Variants in CTNNA2 observed in about 807,000 individuals in gnomAD.
CTNNA2 encodes the protein catenin alpha-2.
A neutral mutation model predicts 101.0 loss-of-function variants in CTNNA2; 42 were observed. The observed-to-expected ratio is 0.42, with a 90% CI of 0.32 to 0.54. CTNNA2 has a LOEUF of 0.54. CTNNA2 is among the 20% of genes least tolerant of loss of function. The probability of loss-of-function intolerance (pLI) is 0.14; values close to 1 mark genes in which losing one functional copy is unlikely to be tolerated. For synonymous variants in CTNNA2, 450 were observed against 456.4 expected, an observed-to-expected ratio of 0.99 and a Z score of 0.18; for missense variants, 871 against 1,223.1, an observed-to-expected ratio of 0.71 and a Z score of 4.29.
At position 80,326,650 on chromosome 2, in the gene CTNNA2, T is replaced by A. The variant is rs185047286; in HGVS notation, c.1057-66561T>A. On this transcript the variant is annotated intron_variant, in intron 7 of 18. Coordinates refer to ENST00000402739, the MANE Select transcript of CTNNA2 (RefSeq NM_001282597.3). ...ATTAGCCAATAGTTCTAATTTTTTT[T>A]TAAAAAAAGAGAGGGGGAGAAGATA... Among the ~76,000 whole-genome samples the A allele has an allele frequency of 7.1e-3, 1,076 of 151,952 alleles. 11 individuals are homozygous for A. Among genetic ancestry groups the A allele is most frequent in the African/African-American group, 0.024 (1,002 of 41,394 alleles).
intron 7 of CTNNA2, among the ~76,000 whole-genome samples, chr2:80,113,336 T>C (rs563384440): frequency 1.7e-4 from 26 of 152,368 alleles, no homozygotes; most frequent in Non-Finnish European, 3.4e-4. Flanking sequence ...CACAATTGTA[T>C]TGACGTACAT....
chr2:79,873,184 T>C (rs1032524276), intron 5 of CTNNA2, among the ~76,000 whole-genome samples: 4 of 152,296 alleles, frequency 2.6e-5, no homozygotes, highest in East Asian at 1.9e-4. Context: ...GTAACAGTAA[T>C]TGAATATGGA....
chr2:79,332,851 T>C (rs1676906623), intron 3 of CTNNA2, among the ~76,000 whole-genome samples: 1 of 152,146 alleles, frequency 6.6e-6, no homozygotes, highest in Admixed American at 6.5e-5. Flanking sequence ...TGTGTAGCAC[T>C]CAAAAGCATT....
At chr2:79,276,345 T>G (rs1573014867) in intron 2 of CTNNA2, among the ~76,000 whole-genome samples, 1 of 152,120 alleles carries the variant, frequency 6.6e-6, no homozygotes, top group Non-Finnish European at 1.5e-5. Context: ...ATCCTCCTAA[T>G]GTTATGGTTT....
chr2:79,419,531 T>C (rs1678517568), intron 4 of CTNNA2, among the ~76,000 whole-genome samples: 1 of 152,090 alleles, frequency 6.6e-6, no homozygotes, highest in Non-Finnish European at 1.5e-5. Context: ...TTTCCACAAA[T>C]TCTTTCCATA....
Position 80,484,959 on chromosome 2 carries a change from C to T in CTNNA2, c.1291-60023C>T, listed in dbSNP as rs560893491. Reference sequence around the variant, plus strand: ...AGGTGGAGCTTGCAGTGAGCCGAGACTGTGCCACTGCATTCCAGCCTGTGT... The same window carrying T: ...AGGTGGAGCTTGCAGTGAGCCGAGATTGTGCCACTGCATTCCAGCCTGTGT... On this transcript the variant is annotated intron_variant, in intron 9 of 18. Coordinates refer to ENST00000402739, the MANE Select transcript of CTNNA2 (RefSeq NM_001282597.3). Among the ~76,000 whole-genome samples, 73 of 152,160 alleles carry T rather than the reference C, an allele frequency of 4.8e-4. No individual in the cohort carries two copies. In the East Asian group the frequency reaches 5.2e-3, roughly 11 times the overall value.
At chr2:80,489,059 T>C (rs1686820956) in intron 9 of CTNNA2, among the ~76,000 whole-genome samples, 1 of 152,168 alleles carries the variant, frequency 6.6e-6, no homozygotes, top group East Asian at 1.9e-4. Context: ...GAGAACTGCA[T>C]TTACTTCTGT....
intron 7 of CTNNA2, among the ~76,000 whole-genome samples, chr2:80,289,556 T>C (rs1675057155): frequency 6.6e-6 from 1 of 152,228 alleles, no homozygotes; most frequent in South Asian, 2.1e-4. Flanking sequence ...ACATAACATG[T>C]CACTCTACTG....
chr2:80,207,325 C>T lies in CTNNA2; in HGVS notation c.1057-185886C>T, dbSNP rs568270403. On this transcript the variant is annotated intron_variant, in intron 7 of 18. Transcript: ENST00000402739. ...TGGAGATGATGATAGCTATATTGAG[C>T]CTAGCAGGGCCATTGGCCTCCTTGC... 9.9e-5 allele frequency among the ~76,000 whole-genome samples: 15 copies of T among 152,248 alleles called. 1 individual carries two copies. The East Asian group carries it at 1.5e-3, about 16-fold the overall frequency.
At chr2:80,300,279 GGGGTGTGTGTGTGTGT>G (rs199666190) in intron 7 of CTNNA2, among the ~76,000 whole-genome samples, 5,287 of 128,010 alleles carry the variant, frequency 0.041, 178 homozygotes, top group East Asian at 0.13. Flanking sequence ...CTGGGGTGTT[GGGGTGTGTGTGTGTGT>G]GTGTGTGTGT....
intron 3 of CTNNA2, among the ~76,000 whole-genome samples, chr2:79,784,743 A>T (rs1404613442): frequency 7.3e-6 from 1 of 136,994 alleles, no homozygotes; most frequent in Admixed American, 7.1e-5. Context: ...ATGGCATATC[A>T]TGTAGCAGAG....
intron 4 of CTNNA2, among the ~76,000 whole-genome samples, chr2:79,861,832 A>G (rs1404021938): frequency 2.0e-5 from 3 of 152,346 alleles, no homozygotes; most frequent in Non-Finnish European, 2.9e-5. Flanking sequence ...GAGTAAAGCT[A>G]AAGTAATCAT....
Position 80,185,718 on chromosome 2 carries a change from AACCT to A in CTNNA2, c.1057-207492_1057-207489del, listed in dbSNP as rs1326892473. On this transcript the variant is annotated intron_variant, in intron 7 of 18. Coordinates refer to ENST00000402739, the MANE Select transcript of CTNNA2 (RefSeq NM_001282597.3). ...GGCATGTTAAATGATCCTTTCTCAA[AACCT>A]TTGGTGAATGGCTGCCTACCATTTT... Among the ~76,000 whole-genome samples, 12 of 152,140 alleles carry A rather than the reference AACCT, an allele frequency of 7.9e-5. No homozygotes were observed. In the East Asian group the frequency reaches 9.6e-4, roughly 12 times the overall value.
At chr2:79,581,352 C>T (rs532184376) in intron 1 of CTNNA2, among the ~76,000 whole-genome samples, 54 of 152,172 alleles carry the variant, frequency 3.5e-4, no homozygotes, top group African/African-American at 1.3e-3. Context: ...ATGGTGAAAC[C>T]CCATCTCTAC....
chr2:80,547,490 TG>T (rs1380431939), intron 11 of CTNNA2, among the ~76,000 whole-genome samples: 3 of 152,164 alleles, frequency 2.0e-5, no homozygotes, highest in Non-Finnish European at 1.5e-5. Context: ...AAATTTCCTT[TG>T]GTGCTTGCTG....
At chr2:79,294,994 CAT>C (rs1491543454) in intron 2 of CTNNA2, among the ~76,000 whole-genome samples, 5 of 63,792 alleles carry the variant, frequency 7.8e-5, no homozygotes, top group South Asian at 5.7e-4. Flanking sequence ...TGTGTGAGTT[CAT>C]GTGTGTGTGT....
At chr2:80,443,365 C>A (rs971686468) in intron 9 of CTNNA2, among the ~76,000 whole-genome samples, 1 of 152,186 alleles carries the variant, frequency 6.6e-6, no homozygotes, top group African/African-American at 2.4e-5. Flanking sequence ...CTATTTATTT[C>A]TTTTCTCTTA....
At chr2:80,255,478 A>G (rs930210576) in intron 7 of CTNNA2, among the ~76,000 whole-genome samples, 1 of 152,122 alleles carries the variant, frequency 6.6e-6, no homozygotes, top group African/African-American at 2.4e-5. Flanking sequence ...TCCCATATTT[A>G]TATTTTATAA....
chr2:79,376,852 A>G (rs1275992636), intron 4 of CTNNA2, among the ~76,000 whole-genome samples: 1 of 152,150 alleles, frequency 6.6e-6, no homozygotes, highest in Non-Finnish European at 1.5e-5. Flanking sequence ...TCCATGGTGT[A>G]TATGTGCCAC....
Sources: allele counts gnomAD v4.1 joint callset (sites outside exome capture counted in the v4.1 genomes callset), GRCh38; gene constraint gnomAD v4.1.1; transcripts MANE v1.5; gene names NCBI Gene and HGNC (gene_info 2026-07-23, HGNC 2026-07-21).